Variants in SPTBN5 observed in about 807,000 individuals in gnomAD.
The protein encoded by SPTBN5 is spectrin beta, non-erythrocytic 5, also known as spectrin beta chain, non-erythrocytic 5.
Under a neutral mutation model 477.6 loss-of-function variants are expected in SPTBN5, and 513 were observed. The ratio of observed to expected loss-of-function variants is 1.07; its 90% CI spans 1.00 to 1.16. SPTBN5 has a LOEUF of 1.16. Ranked by LOEUF, SPTBN5 falls within the 50% of genes most tolerant of loss-of-function variation. The pLI is 0.00. For synonymous variants in SPTBN5, 2,169 were observed against 2,011.7 expected (o/e 1.08, Z -2.09); for missense variants, 5,062 against 4,731.8 (o/e 1.07, Z -2.05).
At chr15:41,876,458 G>A in intron 20 of SPTBN5, 90 bp downstream of exon 20, 1 of 1,370,538 alleles carries the variant, frequency 7.3e-7, no homozygotes, top group African/African-American at 1.4e-5. Flanking sequence ...TAGCGCGTGA[G>A]GAAAGTGCTC....
intron 51 of SPTBN5, 62 bp from the exon 52 acceptor site, chr15:41,857,101 C>A (rs1026733076): frequency 5.9e-5 from 91 of 1,535,094 alleles, no homozygotes; most frequent in Non-Finnish European, 6.9e-5. Context: ...TTAGGGATAC[C>A]TGGTGACACA....
In SPTBN5 at chr15:41,870,495, G is replaced by A; in HGVS notation, c.5513C>T (p.Thr1838Ile). Residue 1838 changes from threonine (T) to isoleucine (I), a missense_variant, in exon 30 of 68, where the codon ACC (threonine) becomes ATC (isoleucine). Coordinates refer to ENST00000320955, the MANE Select transcript of SPTBN5 (RefSeq NM_016642.4). ...ARGHALRDTE[T>I]TLRVHRDLLE... ...GAGATCTCTGTGAACTCTGAGGGTG[G>A]TCTCGGTGTCTCGGAGCGCGTGGCC... 6.2e-7 allele frequency: 1 copy of A among 1,613,270 alleles called. No homozygotes were observed.
chr15:41,867,681 A>G, intron 34 of SPTBN5, 39 bp from the exon 35 acceptor site: 1 of 1,584,882 alleles, frequency 6.3e-7, no homozygotes, highest in Non-Finnish European at 8.6e-7. Flanking sequence ...CAAGCCTTCC[A>G]GCCAGCCAGC....
Position 41,877,270 on chromosome 15 carries a change from A to C in SPTBN5, c.3557T>G (p.Leu1186Arg), listed in dbSNP as rs1595493385. ...CTTCAGCTCCTGGCCCTGCTGCCCCAGGACCCTCAGAGTGTTGGGCACCTC... is the reference window on the plus strand; with the variant it reads ...CTTCAGCTCCTGGCCCTGCTGCCCCCGGACCCTCAGAGTGTTGGGCACCTC... ...SQEVPNTLRV[L>R]GQQGQELKVL... The change falls in exon 18 of 68, where the codon CTG (leucine) becomes CGG (arginine). Residue 1186 changes from leucine (L) to arginine (R), a missense_variant. Transcript: ENST00000320955. The C allele has an allele frequency of 6.2e-7, 1 of 1,613,684 alleles. No individual in the cohort carries two copies. The highest frequency in any genetic ancestry group is 1.1e-5 in the South Asian group (1 of 91,052).
In SPTBN5 at chr15:41,893,446, G is replaced by A. The variant is rs1229194440; in HGVS notation, c.52C>T (p.Arg18Cys). ...PRELLGAAGH[R>C]SRRPSTELRV... Reference sequence around the variant, plus strand: ...AGTTCTGTGCTGGGCCTCCTGCTGCGGTGCCCTGCAGCCCCGAGGAGCTCC... The same window carrying A: ...AGTTCTGTGCTGGGCCTCCTGCTGCAGTGCCCTGCAGCCCCGAGGAGCTCC... Residue 18 changes from arginine (R) to cysteine (C), a missense_variant, in exon 2 of 68, where the codon CGC becomes TGC. Coordinates refer to ENST00000320955, the MANE Select transcript of SPTBN5 (RefSeq NM_016642.4). 54 of 1,610,332 alleles carry A rather than the reference G, an allele frequency of 3.4e-5. No homozygotes were observed. Among genetic ancestry groups the A allele is most frequent in the South Asian group, 7.7e-5 (7 of 90,854 alleles).
chr15:41,865,662 G>A, intron 39 of SPTBN5, 146 bp downstream of exon 39: 1 of 686,902 alleles, frequency 1.5e-6, no homozygotes, highest in South Asian at 1.9e-5. Context: ...GTGAAGGCGG[G>A]TGAGAGGAGG....
At chr15:41,865,525 A>T (rs557250213) in intron 39 of SPTBN5, among the ~76,000 whole-genome samples, 2 of 152,232 alleles carry the variant, frequency 1.3e-5, no homozygotes, top group Non-Finnish European at 2.9e-5. Flanking sequence ...GCAAGTATGC[A>T]TCTGTGCGGG....
At chr15:41,885,424 GT>G (rs1229074877) in intron 7 of SPTBN5, among the ~76,000 whole-genome samples, 1 of 152,130 alleles carries the variant, frequency 6.6e-6, no homozygotes, top group Non-Finnish European at 1.5e-5. Context: ...AGGAATTTTT[GT>G]TTCTTCTCTT....
rs771758516 is a variant in SPTBN5 at position 41,866,333 on chromosome 15, C to G, written c.6630+11G>C. On this transcript the variant is annotated intron_variant, in intron 37 of 67. Coordinates refer to ENST00000320955, the MANE Select transcript of SPTBN5 (RefSeq NM_016642.4). ...TTGGGGCAGGCATGGGGCTGAGGGCCCGGTTGTTACCTTGGCAACAGAGGT... is the reference window on the plus strand; with the variant it reads ...TTGGGGCAGGCATGGGGCTGAGGGCGCGGTTGTTACCTTGGCAACAGAGGT... 3.7e-5 allele frequency: 59 copies of G among 1,581,268 alleles called. No homozygotes were observed. Among genetic ancestry groups the G allele is most frequent in the Non-Finnish European group, 1.7e-6 (2 of 1,162,538 alleles).
rs771267275 is a variant in SPTBN5 at position 41,881,197 on chromosome 15, C to T, written c.2495G>A (p.Arg832Lys). 2 of 1,612,300 alleles carry T rather than the reference C, an allele frequency of 1.2e-6. No individual in the cohort carries two copies. Among genetic ancestry groups the T allele is most frequent in the East Asian group, 2.2e-5 (1 of 44,870 alleles). ...AGCCTCACTCCAGGGCCCTGGGTTC[C>T]TCAGGCTTTCTCCTGGAGGGCTCAG... Reference protein sequence around the residue: ...SALSPPGESLRNPGPWSEASC... With the variant: ...SALSPPGESLKNPGPWSEASC... Residue 832 changes from arginine (R) to lysine (K), a missense_variant, in exon 13 of 68, where the codon AGG (arginine) becomes AAG (lysine). Physicochemically the swap from Arg to Lys is conservative, Grantham distance 26 (BLOSUM62 2). Coordinates refer to ENST00000320955, the MANE Select transcript of SPTBN5 (RefSeq NM_016642.4).
rs1214628141 is a variant in SPTBN5 at position 41,879,125 on chromosome 15, C to T, written c.3182+135G>A. The T allele has an allele frequency of 2.2e-5, 23 of 1,028,986 alleles. No homozygotes were observed. The East Asian group carries it at 5.5e-4, about 25-fold the overall frequency. The allele number at this position is 1,028,986 out of a possible 1,614,324, so 63.7% of individuals were successfully genotyped here. A position where few individuals can be genotyped will look rare whatever the true frequency, so the allele number is the denominator to read the frequency against. The stretch of plus-strand genomic sequence containing the variant: ...CCCAGGACCATTTTCTCCTGATCAT[C>T]CCCCCATCTTTGCCACAGCCCTCCT... On this transcript the variant is annotated intron_variant, in intron 16 of 67. Transcript: ENST00000320955.
rs2140960468 is a variant in SPTBN5 at position 41,882,178 on chromosome 15, A to T, written c.2248-33T>A. ...AGGGGGTCGGGGGTGGTGTGGGTGA[A>T]GGGGCGCGGCTGAGCGCGGGCAGGT... On this transcript the variant is annotated intron_variant, in intron 11 of 67. Coordinates refer to ENST00000320955, the MANE Select transcript of SPTBN5 (RefSeq NM_016642.4). The T allele has an allele frequency of 2.6e-6, 4 of 1,524,904 alleles. No homozygotes were observed. The Admixed American group carries it at 5.8e-5, about 22-fold the overall frequency. 94.5% of individuals were successfully genotyped at this position (1,524,904 alleles called of 1,614,324 possible). A position where few individuals can be genotyped will look rare whatever the true frequency, so the allele number is the denominator to read the frequency against.
In SPTBN5 at chr15:41,850,889, G is replaced by A. The variant is rs1464792857; in HGVS notation, c.10886C>T (p.Ala3629Val). The change falls in exon 66 of 68, where the codon GCT (alanine) becomes GTT (valine). Residue 3629 changes from alanine (A) to valine (V), a missense_variant. Coordinates refer to ENST00000320955, the MANE Select transcript of SPTBN5 (RefSeq NM_016642.4). The part of the protein sequence containing the change: ...ILFAAPSEEQ[A>V]ESWWRALGST... ...GCCCAGGGCTCGCCACCAGCTCTCA[G>A]CCTGCTCTTCGGACGGTGCTGCAAA... 2 of 1,604,220 alleles carry A rather than the reference G, an allele frequency of 1.2e-6. No individual in the cohort carries two copies. The highest frequency in any genetic ancestry group is 1.3e-5 in the African/African-American group (1 of 74,678).
intron 32 of SPTBN5, among the ~76,000 whole-genome samples, chr15:41,869,326 T>A (rs1398712383): frequency 6.6e-6 from 1 of 152,214 alleles, no homozygotes; most frequent in Non-Finnish European, 1.5e-5. Context: ...CCCAGGACAG[T>A]GGGATGCCGG....
At chr15:41,849,438 G>A (rs1192738798) in intron 67 of SPTBN5, among the ~76,000 whole-genome samples, 1 of 152,218 alleles carries the variant, frequency 6.6e-6, no homozygotes, top group African/African-American at 2.4e-5. Flanking sequence ...GGGTGGGGCA[G>A]GGTCTGGCCG....
intron 45 of SPTBN5, 40 bp downstream of exon 45, chr15:41,861,694 CG>C (rs754857884): frequency 1.3e-5 from 19 of 1,517,236 alleles, no homozygotes; most frequent in African/African-American, 5.5e-5. Context: ...AGGCCCTGTT[CG>C]GGGGGGCAAG....
rs373124886 is a variant in SPTBN5, at chr15:41,852,769, T to TCGG, written c.10348-35_10348-34insCCG. 8 of 1,275,920 alleles carry TCGG rather than the reference T, an allele frequency of 6.3e-6. No individual in the cohort carries two copies. In the African/African-American group the frequency reaches 1.1e-4, roughly 18 times the overall value. 79.0% of individuals were successfully genotyped at this position (1,275,920 alleles called of 1,614,324 possible). A position where few individuals can be genotyped will look rare whatever the true frequency, so the allele number is the denominator to read the frequency against. ...AAGCATGTTCAGGTGACGCCCAGCT[T>TCGG]GGGGGGGGGGGCCCAGAGCCTGGTA... is the stretch of plus-strand genomic sequence containing the variant. On this transcript the variant is annotated intron_variant, in intron 60 of 67. Transcript: ENST00000320955.
rs748413699 is a variant in SPTBN5, at chr15:41,856,633, C to G, written c.8809-35G>C. Reference sequence around the variant, plus strand: ...AGGAGGCAGGAGGATGCGGATGTTGCTGACCCTTGGGGGACTCCCACAGTT... The same window carrying G: ...AGGAGGCAGGAGGATGCGGATGTTGGTGACCCTTGGGGGACTCCCACAGTT... On this transcript the variant is annotated intron_variant, in intron 52 of 67. Coordinates refer to ENST00000320955, the MANE Select transcript of SPTBN5 (RefSeq NM_016642.4). The G allele has an allele frequency of 1.5e-5, 23 of 1,528,134 alleles. No individual in the cohort carries two copies. In the South Asian group the frequency reaches 2.5e-4, roughly 17 times the overall value. The allele number at this position is 1,528,134 out of a possible 1,614,324, so 94.7% of individuals were successfully genotyped here.
chr15:41,873,865 G>T lies in SPTBN5; in HGVS notation c.4870C>A (p.Gln1624Lys), dbSNP rs370013381. 1.2e-6 allele frequency: 2 copies of T among 1,610,852 alleles called. No individual in the cohort carries two copies. The highest frequency in any genetic ancestry group is 2.7e-5 in the African/African-American group (2 of 74,928). The change falls in exon 25 of 68, where the codon CAG becomes AAG. Residue 1624 changes from glutamine (Q) to lysine (K), a missense_variant. Transcript: ENST00000320955. ...ACEARAQCLQ[Q>K]AVTFQQYFLD... The stretch of plus-strand genomic sequence containing the variant: ...CCTACCTGCTGGAAAGTGACAGCCT[G>T]CTGCAGACACTGGGCCCGCGCTTCA...
Sources: allele counts gnomAD v4.1 joint callset (sites outside exome capture counted in the v4.1 genomes callset), GRCh38; gene constraint gnomAD v4.1.1; transcripts MANE v1.5; gene names NCBI Gene and HGNC (gene_info 2026-07-23, HGNC 2026-07-21).